The following FER variants were observed in gnomAD, a reference collection of about 807,000 sequenced individuals.
The protein encoded by FER is tyrosine-protein kinase Fer.
FER carries 63 observed loss-of-function variants against 111.0 expected under a neutral mutation model. That is an observed-to-expected ratio of 0.57 (90% CI 0.46 to 0.70). The LOEUF is 0.70. Among genes scored for constraint, FER ranks in the 30% least tolerant of loss-of-function variants. FER has a pLI of 0.00. For missense variants in FER, 914 were observed against 954.0 expected, an observed-to-expected ratio of 0.96 and a Z score of 0.55; for synonymous variants, 327 against 313.9, an observed-to-expected ratio of 1.04 and a Z score of -0.44.
intron 6 of FER, 66 bp from the exon 7 acceptor site, chr5:108,871,299 C>A: frequency 7.5e-7 from 1 of 1,334,670 alleles, no homozygotes; most frequent in Non-Finnish European, 1.0e-6. Context: ...GTTCTGAATC[C>A]TTTTTGAGAT....
At chr5:109,035,033 CTTTTTTTTTTTT>C (rs554716544) in intron 13 of FER, among the ~76,000 whole-genome samples, 1 of 119,666 alleles carries the variant, frequency 8.4e-6, no homozygotes, top group South Asian at 2.7e-4. Flanking sequence ...AGAAATTGAA[CTTTTTTTTTTTT>C]TTTTTTTTTT....
At chr5:108,886,997 A>G (rs1408145730) in intron 9 of FER, among the ~76,000 whole-genome samples, 3 of 151,656 alleles carry the variant, frequency 2.0e-5, no homozygotes, top group Non-Finnish European at 4.4e-5. Flanking sequence ...TTTATTGTGT[A>G]CATGTGTATA....
intron 10 of FER, among the ~76,000 whole-genome samples, chr5:108,901,835 T>C (rs960397573): frequency 6.6e-6 from 1 of 152,082 alleles, no homozygotes; most frequent in African/African-American, 2.4e-5. Flanking sequence ...CCTGTAATGC[T>C]AACCACTCAG....
At chr5:109,014,997 T>A (rs2149813397) in intron 13 of FER, 1 of 152,252 alleles carries the variant, frequency 6.6e-6, no homozygotes, top group African/African-American at 2.4e-5. Flanking sequence ...GACTGTTTTG[T>A]TCTAAATGTC....
At chr5:108,957,898 C>T (rs1326351187) in intron 12 of FER, among the ~76,000 whole-genome samples, 1 of 151,546 alleles carries the variant, frequency 6.6e-6, no homozygotes, top group Non-Finnish European at 1.5e-5. Context: ...GTGTTTTGCA[C>T]ACCTAGAAAC....
chr5:109,032,746 T>C (rs1488867513), intron 13 of FER, among the ~76,000 whole-genome samples: 3 of 152,256 alleles, frequency 2.0e-5, no homozygotes, highest in African/African-American at 7.2e-5. Context: ...AAAATCTTTA[T>C]ATGTAGCCCA....
chr5:109,006,519 A>G lies in FER; in HGVS notation c.1657-30903A>G, dbSNP rs1765525109. ...TGAGTGCATTAAGCCTCTTTCCTTTATAAATTACCCAGTCTTTGGTAAGTC... is the reference window on the plus strand; with the variant it reads ...TGAGTGCATTAAGCCTCTTTCCTTTGTAAATTACCCAGTCTTTGGTAAGTC... On this transcript the variant is annotated intron_variant, in intron 13 of 19. Transcript: ENST00000281092. Among the ~76,000 whole-genome samples the G allele has an allele frequency of 2.0e-5, 3 of 152,276 alleles. No homozygotes were observed. The South Asian group carries it at 6.2e-4, about 32-fold the overall frequency.
intron 17 of FER, among the ~76,000 whole-genome samples, chr5:109,178,486 A>T (rs984648212): frequency 6.6e-6 from 1 of 152,202 alleles, no homozygotes; most frequent in African/African-American, 2.4e-5. Flanking sequence ...GTGAAATCCT[A>T]TACACGACTA....
intron 11 of FER, among the ~76,000 whole-genome samples, chr5:108,950,430 AT>A (rs201327743): frequency 1.8e-3 from 276 of 151,160 alleles, no homozygotes; most frequent in African/African-American, 6.3e-3. Flanking sequence ...TAGGTGAAGT[AT>A]TTTTTTTTGG....
At chr5:109,081,421 C>T (rs995769556) in intron 16 of FER, among the ~76,000 whole-genome samples, 5 of 151,934 alleles carry the variant, frequency 3.3e-5, no homozygotes, top group South Asian at 4.1e-4. Flanking sequence ...TCTTTCATTA[C>T]GATCTGAATT....
At position 109,187,609 on chromosome 5, in the gene FER, T is replaced by G; in HGVS notation, c.*34T>G. 6.2e-7 allele frequency: 1 copy of G among 1,611,922 alleles called. No homozygotes were observed. Among genetic ancestry groups the G allele is most frequent in the Non-Finnish European group, 8.5e-7 (1 of 1,178,730 alleles). On this transcript the variant is annotated 3_prime_UTR_variant, in exon 20 of 20. Coordinates refer to ENST00000281092, the MANE Select transcript of FER (RefSeq NM_005246.4). The stretch of plus-strand genomic sequence containing the variant: ...TGGCGCCAAACTCAGCCTTCAGGAC[T>G]CTGTCCTCCAGCAGAGTAACATTAT...
chr5:108,863,320 T>G (rs1763717860), intron 5 of FER, among the ~76,000 whole-genome samples: 1 of 152,080 alleles, frequency 6.6e-6, no homozygotes. Flanking sequence ...GGGGTTTCAC[T>G]GTGTTGGCCA....
chr5:108,840,634 A>G (rs951504024), intron 5 of FER, among the ~76,000 whole-genome samples: 1 of 151,744 alleles, frequency 6.6e-6, no homozygotes, highest in Non-Finnish European at 1.5e-5. Context: ...TCTATCCCCT[A>G]TATTTCCTGT....
intron 17 of FER, among the ~76,000 whole-genome samples, chr5:109,122,140 G>A (rs1254273962): frequency 2.0e-5 from 3 of 151,574 alleles, no homozygotes; most frequent in African/African-American, 7.3e-5. Flanking sequence ...TACTTTTCTA[G>A]TTCTTTCAGA....
At chr5:108,903,813 A>G (rs920243735) in intron 10 of FER, among the ~76,000 whole-genome samples, 2 of 152,214 alleles carry the variant, frequency 1.3e-5, no homozygotes, top group African/African-American at 4.8e-5. Flanking sequence ...CATAAAGGAA[A>G]AACCTTAATT....
intron 13 of FER, among the ~76,000 whole-genome samples, chr5:108,983,723 G>T (rs1762250039): frequency 6.6e-6 from 1 of 152,066 alleles, no homozygotes; most frequent in Non-Finnish European, 1.5e-5. Context: ...GCAGAATCAA[G>T]GTCATAGAGG....
chr5:109,078,383 T>C (rs568074807), intron 16 of FER, among the ~76,000 whole-genome samples: 11 of 152,220 alleles, frequency 7.2e-5, no homozygotes, highest in Non-Finnish European at 1.2e-4. Context: ...GTGGCTAATT[T>C]AATATTGCAT....
chr5:109,067,701 A>T lies in FER; in HGVS notation c.1924+20503A>T, dbSNP rs188611400. Among the ~76,000 whole-genome samples, 191 of 152,058 alleles carry T rather than the reference A, an allele frequency of 1.3e-3. 1 individual carries two copies. Among genetic ancestry groups the T allele is most frequent in the South Asian group, 2.9e-3 (14 of 4,804 alleles). On this transcript the variant is annotated intron_variant, in intron 16 of 19. Coordinates refer to ENST00000281092, the MANE Select transcript of FER (RefSeq NM_005246.4). ...TCAGTCAAAATTTTGTACATCTATG[A>T]TTTCTTTCTTGTAGATATATATTTT...
intron 16 of FER, among the ~76,000 whole-genome samples, chr5:109,092,284 CAAAAAAAAAAAAAAAAA>C (rs70999914): frequency 2.5e-5 from 1 of 40,428 alleles, no homozygotes. Context: ...CTTATGATGG[CAAAAAAAAAAAAAAAAA>C]AAAAAAAAAA....
Sources: gnomAD v4.1 joint callset for allele counts (sites outside exome capture counted in the v4.1 genomes callset) on GRCh38, gnomAD v4.1.1 for gene constraint, MANE v1.5 for transcripts, NCBI Gene and HGNC (gene_info 2026-07-23, HGNC 2026-07-21) for gene names.